Variants in PGM2L1 observed in about 807,000 individuals in gnomAD.
PGM2L1 encodes glucose 1,6-bisphosphate synthase.
Under a neutral mutation model 73.4 loss-of-function variants are expected in PGM2L1, and 35 were observed. The observed-to-expected ratio is 0.48, with a 90% CI of 0.36 to 0.63. The LOEUF is 0.63. Among genes scored for constraint, PGM2L1 ranks in the 30% least tolerant of loss-of-function variants. The pLI is 0.00. For missense variants in PGM2L1, 570 were observed against 742.0 expected (o/e 0.77, Z 2.69); for synonymous variants, 225 against 253.8 (o/e 0.89, Z 1.08).
Position 74,334,420 on chromosome 11 carries a change from AC to A in PGM2L1, c.*2231del, listed in dbSNP as rs1361232127. On this transcript the variant is annotated 3_prime_UTR_variant, in exon 14 of 14. Transcript: ENST00000298198. ...ATCTACATTCTTAAAAGCATATAAAACAAAAGATGTTTTACACATTTTAAAA... is the reference window on the plus strand; with the variant it reads ...ATCTACATTCTTAAAAGCATATAAAAAAAAGATGTTTTACACATTTTAAAA... 7 of 152,252 alleles carry A rather than the reference AC, an allele frequency of 4.6e-5. No individual in the cohort carries two copies. The highest frequency in any genetic ancestry group is 8.8e-5 in the Non-Finnish European group (6 of 68,036). The allele number at this position is 152,252 out of a possible 1,614,324, so 9.4% of individuals were successfully genotyped here.
chr11:74,347,186 C>T lies in PGM2L1; in HGVS notation c.901G>A (p.Val301Ile), dbSNP rs143643842. 1.6e-5 allele frequency: 26 copies of T among 1,600,668 alleles called. No homozygotes were observed. Among genetic ancestry groups the T allele is most frequent in the Admixed American group, 3.4e-5 (2 of 58,446 alleles). ...CCTTCTTCAGGATTTGGACATTTAA[C>T]GGTAGAAAAGTCTGGATCAGGATCT... ...QKDPDPDFST[V>I]KCPNPEEGES... The change falls in exon 7 of 14, where the codon GTT becomes ATT. Residue 301 changes from valine to isoleucine, a missense_variant. Transcript: ENST00000298198.
At chr11:74,342,377 T>C in intron 12 of PGM2L1, 84 bp downstream of exon 12, 1 of 1,086,402 alleles carries the variant, frequency 9.2e-7, no homozygotes, top group Non-Finnish European at 1.3e-6. Flanking sequence ...GAATCTCATG[T>C]GAAATCTGTC....
intron 1 of PGM2L1, among the ~76,000 whole-genome samples, chr11:74,392,543 T>C (rs1863117584): frequency 6.6e-6 from 1 of 151,380 alleles, no homozygotes; most frequent in Non-Finnish European, 1.5e-5. Context: ...GCCAATAAAA[T>C]AGTTTTTTTT....
At chr11:74,370,415 G>T (rs1214623687) in intron 4 of PGM2L1, among the ~76,000 whole-genome samples, 1 of 152,180 alleles carries the variant, frequency 6.6e-6, no homozygotes, top group East Asian at 1.9e-4. Flanking sequence ...CCAAACAGGG[G>T]AAGATTTATG....
chr11:74,352,149 G>A (rs566746289), intron 5 of PGM2L1, among the ~76,000 whole-genome samples: 163 of 151,898 alleles, frequency 1.1e-3, no homozygotes, highest in African/African-American at 3.8e-3. Flanking sequence ...ATAACAATAT[G>A]AGTAAAATAC....
At chr11:74,383,820 A>ATATATATATAT (rs1555102267) in intron 1 of PGM2L1, among the ~76,000 whole-genome samples, 1 of 16,964 alleles carries the variant, frequency 5.9e-5, no homozygotes, top group Non-Finnish European at 1.5e-4. Context: ...GAGATATATA[A>ATATATATATAT]ATAAATATAT....
chr11:74,373,648 T>G (rs185739645), intron 2 of PGM2L1, among the ~76,000 whole-genome samples: 99 of 152,340 alleles, frequency 6.5e-4, no homozygotes, highest in Non-Finnish European at 1.2e-3. Context: ...TTAACTCTCA[T>G]GTGGATATAG....
chr11:74,353,050 A>C (rs967741162), intron 5 of PGM2L1, among the ~76,000 whole-genome samples: 28 of 152,210 alleles, frequency 1.8e-4, no homozygotes, highest in African/African-American at 6.5e-4. Context: ...AAAAATTTTC[A>C]AATCCAAGGT....
chr11:74,367,748 G>T (rs1862683507), intron 5 of PGM2L1, among the ~76,000 whole-genome samples: 2 of 152,262 alleles, frequency 1.3e-5, no homozygotes, highest in Non-Finnish European at 2.9e-5. Flanking sequence ...ATTGCTACCT[G>T]GTTGACCCAA....
At chr11:74,343,165 C>CT (rs567717275) in intron 10 of PGM2L1, 151 bp from the exon 11 acceptor site, 8,078 of 1,147,572 alleles carry the variant, frequency 7.0e-3, no homozygotes, top group South Asian at 9.7e-3. Flanking sequence ...CACTTTCGTT[C>CT]TTTTTTTTTT....
Position 74,345,644 on chromosome 11 carries a change from C to T in PGM2L1, c.1043G>A (p.Cys348Tyr), listed in dbSNP as rs965810779. ...LAAAELQENG[C>Y]WKVFTGNELA... ...CTCATTCCCTGTGAAAACTTTCCAA[C>T]AACCACTGTAGAGAGAAGGAAAATA... is the stretch of plus-strand genomic sequence containing the variant. Residue 348 changes from cysteine (C) to tyrosine (Y), a missense_variant, in exon 9 of 14, where the codon TGT (cysteine) becomes TAT (tyrosine). Physicochemically the swap from Cys to Tyr is radical, Grantham distance 194. Coordinates refer to ENST00000298198, the MANE Select transcript of PGM2L1 (RefSeq NM_173582.6). 1 of 1,613,178 alleles carries T rather than the reference C, an allele frequency of 6.2e-7. No individual in the cohort carries two copies. Among genetic ancestry groups the T allele is most frequent in the Non-Finnish European group, 8.5e-7 (1 of 1,179,512 alleles).
At chr11:74,395,549 C>CCTTTTTTTTTTTTT (rs1218218679) in intron 1 of PGM2L1, among the ~76,000 whole-genome samples, 1 of 64,918 alleles carries the variant, frequency 1.5e-5, no homozygotes, top group African/African-American at 7.1e-5. Flanking sequence ...CCTCGCCTGG[C>CCTTTTTTTTTTTTT]TTTTTTTTTT....
Position 74,336,824 on chromosome 11 carries a change from A to AT in PGM2L1, c.1767-71dup, listed in dbSNP as rs139050358. On this transcript the variant is annotated intron_variant, in intron 13 of 13. Transcript: ENST00000298198. ...CTTAAAATTTATTTAAATTAGTGTG[A>AT]TTTTTTAAGAGGTCCTGATGGAGTC... 5.6e-3 allele frequency: 5,908 copies of AT among 1,056,198 alleles called. 252 individuals are homozygous for AT. In the African/African-American group the frequency reaches 0.087, roughly 16 times the overall value. The allele number at this position is 1,056,198 out of a possible 1,614,324, so 65.4% of individuals were successfully genotyped here. A position where few individuals can be genotyped will look rare whatever the true frequency, so the allele number is the denominator to read the frequency against.
intron 6 of PGM2L1, among the ~76,000 whole-genome samples, chr11:74,350,919 A>AAGAG (rs373985712): frequency 7.4e-6 from 1 of 135,462 alleles, no homozygotes; most frequent in South Asian, 2.3e-4. Flanking sequence ...GAGAGAGAGA[A>AAGAG]AGAGAGAGAG....
At chr11:74,355,624 C>A in intron 5 of PGM2L1, 1 of 454,952 alleles carries the variant, frequency 2.2e-6, no homozygotes, top group Non-Finnish European at 4.3e-6. Flanking sequence ...GAAGCTCTGG[C>A]CCCTATGGTG....
chr11:74,380,438 A>C (rs1191331700), intron 1 of PGM2L1, among the ~76,000 whole-genome samples: 1 of 152,220 alleles, frequency 6.6e-6, no homozygotes, highest in East Asian at 1.9e-4. Flanking sequence ...GTAGAAATTA[A>C]CATAAATTTG....
rs766558232 is a variant in PGM2L1, at chr11:74,398,081, C to T, written c.81G>A (p.Thr27=). 1.4e-5 allele frequency: 23 copies of T among 1,612,406 alleles called. No individual in the cohort carries two copies. The highest frequency in any genetic ancestry group is 1.7e-4 in the Middle Eastern group (1 of 6,050). ...CCCAGCGGAGCCACTGCCCGATGGC[C>T]GTGTCCAGCTGAGGGTCCCCGGTGT... is the stretch of plus-strand genomic sequence containing the variant. The part of the protein sequence containing the change: ...PYHTGDPQLD[T]AIGQWLRWDK... The change falls in exon 1 of 14, where the codon ACG becomes ACA. Residue 27 remains threonine, a synonymous_variant. Coordinates refer to ENST00000298198, the MANE Select transcript of PGM2L1 (RefSeq NM_173582.6).
chr11:74,358,108 A>G (rs1459775894), intron 5 of PGM2L1, among the ~76,000 whole-genome samples: 1 of 152,230 alleles, frequency 6.6e-6, no homozygotes, highest in Non-Finnish European at 1.5e-5. Flanking sequence ...GTCATTATTC[A>G]TTTGTCAAAA....
At chr11:74,350,427 T>C (rs1343709182) in intron 6 of PGM2L1, among the ~76,000 whole-genome samples, 2 of 152,194 alleles carry the variant, frequency 1.3e-5, no homozygotes, top group African/African-American at 2.4e-5. Flanking sequence ...GAAATACATA[T>C]ATTTAAGTAT....
Sources: allele counts gnomAD v4.1 joint callset (sites outside exome capture counted in the v4.1 genomes callset), GRCh38; gene constraint gnomAD v4.1.1; transcripts MANE v1.5; gene names NCBI Gene and HGNC (gene_info 2026-07-23, HGNC 2026-07-21).